Variants in KCNAB1 observed in about 807,000 individuals in gnomAD.
KCNAB1 encodes potassium voltage-gated channel subfamily A regulatory beta subunit 1.
A neutral mutation model predicts 64.6 loss-of-function variants in KCNAB1; 35 were observed. The ratio of observed to expected loss-of-function variants is 0.54; its 90% CI spans 0.41 to 0.72. KCNAB1 has a LOEUF of 0.72. KCNAB1 is among the 30% of genes least tolerant of loss of function. The pLI is 0.00. For synonymous variants in KCNAB1, 177 were observed against 183.8 expected (o/e 0.96, Z 0.30); for missense variants, 401 against 512.9 (o/e 0.78, Z 2.11).
chr3:156,160,306 C>T (rs528166898), intron 1 of KCNAB1, among the ~76,000 whole-genome samples: 11 of 152,312 alleles, frequency 7.2e-5, no homozygotes, highest in Admixed American at 1.3e-4. Flanking sequence ...TGAACATTGA[C>T]TTGTTTGCAT....
intron 1 of KCNAB1, among the ~76,000 whole-genome samples, chr3:156,264,130 G>A (rs969753030): frequency 1.1e-4 from 16 of 152,140 alleles, no homozygotes; most frequent in African/African-American, 3.4e-4. Context: ...TTTTACTAAT[G>A]TACTGGCAGT....
intron 1 of KCNAB1, among the ~76,000 whole-genome samples, chr3:156,168,665 A>G (rs1317697916): frequency 6.6e-6 from 1 of 152,218 alleles, no homozygotes; most frequent in African/African-American, 2.4e-5. Flanking sequence ...TTTGAAGTAT[A>G]TTTGCTTTTT....
chr3:156,147,964 CGCACACGCACACACAA>C (rs1715148374), intron 1 of KCNAB1, among the ~76,000 whole-genome samples: 1 of 151,286 alleles, frequency 6.6e-6, no homozygotes, highest in South Asian at 2.1e-4. Flanking sequence ...CACACACGCA[CGCACACGCACACACAA>C]ACACACACCG....
intron 1 of KCNAB1, among the ~76,000 whole-genome samples, chr3:156,283,679 T>G (rs1418507572): frequency 2.0e-5 from 3 of 151,986 alleles, no homozygotes; most frequent in African/African-American, 7.2e-5. Context: ...TTATTCTTTT[T>G]TCTCTAGACT....
At chr3:156,206,776 C>T (rs1217373170) in intron 1 of KCNAB1, among the ~76,000 whole-genome samples, 4 of 152,148 alleles carry the variant, frequency 2.6e-5, no homozygotes. Flanking sequence ...TAAGTATTTT[C>T]TGCTTGGCTA....
chr3:156,517,706 G>A (rs991781110), intron 11 of KCNAB1, among the ~76,000 whole-genome samples: 4 of 152,220 alleles, frequency 2.6e-5, no homozygotes, highest in African/African-American at 7.2e-5. Context: ...GGATACAGGT[G>A]ACTTTTAGTC....
rs1411341366 is a variant in KCNAB1, at chr3:156,438,982, C to A, written c.320-13917C>A. On this transcript the variant is annotated intron_variant, in intron 2 of 13. Coordinates refer to ENST00000490337, the MANE Select transcript of KCNAB1 (RefSeq NM_172160.3). ...TGAGCCGAGGTTGTGCCATTGCACT[C>A]CAGTCTGGGTGACAGAGCAAGACTC... 4.6e-5 allele frequency among the ~76,000 whole-genome samples: 7 copies of A among 151,546 alleles called. No individual in the cohort carries two copies. In the East Asian group the frequency reaches 1.2e-3, roughly 25 times the overall value.
intron 2 of KCNAB1, among the ~76,000 whole-genome samples, chr3:156,432,059 A>G (rs1223720354): frequency 6.6e-6 from 1 of 152,122 alleles, no homozygotes; most frequent in African/African-American, 2.4e-5. Flanking sequence ...AAATTAAAGA[A>G]CTCTTAGCTA....
intron 1 of KCNAB1, chr3:156,292,047 C>T: frequency 1.9e-6 from 3 of 1,614,104 alleles, no homozygotes; most frequent in Non-Finnish European, 2.5e-6. Context: ...GCTATCATCG[C>T]GCGCAGCCTG....
At chr3:156,158,876 G>T (rs1715912088) in intron 1 of KCNAB1, among the ~76,000 whole-genome samples, 1 of 152,200 alleles carries the variant, frequency 6.6e-6, no homozygotes, top group South Asian at 2.1e-4. Context: ...TCTGGCTTAT[G>T]ATTCTTTAGT....
intron 2 of KCNAB1, among the ~76,000 whole-genome samples, chr3:156,430,705 C>G (rs984715983): frequency 6.6e-6 from 1 of 152,160 alleles, no homozygotes; most frequent in African/African-American, 2.4e-5. Flanking sequence ...TCCCTTATGG[C>G]CCATCTACTT....
intron 1 of KCNAB1, among the ~76,000 whole-genome samples, chr3:156,278,997 G>A (rs1719525817): frequency 6.6e-6 from 1 of 150,382 alleles, no homozygotes; most frequent in Non-Finnish European, 1.5e-5. Context: ...TTAAGTTTTA[G>A]GGTACATGTG....
At chr3:156,294,689 G>A (rs1253423951) in intron 1 of KCNAB1, among the ~76,000 whole-genome samples, 6 of 152,194 alleles carry the variant, frequency 3.9e-5, no homozygotes, top group South Asian at 2.1e-4. Flanking sequence ...TCTGGAGAAT[G>A]CCTGAAATAA....
At chr3:156,480,067 C>T (rs1233568500) in intron 8 of KCNAB1, among the ~76,000 whole-genome samples, 2 of 152,092 alleles carry the variant, frequency 1.3e-5, no homozygotes, top group African/African-American at 4.8e-5. Context: ...TTCCAAAATA[C>T]TGGACCTAGA....
chr3:156,238,223 G>A (rs1716958253), intron 1 of KCNAB1, among the ~76,000 whole-genome samples: 2 of 151,976 alleles, frequency 1.3e-5, no homozygotes, highest in South Asian at 2.1e-4. Context: ...GAGATCGAGA[G>A]CATCCTGGCA....
At chr3:156,355,829 C>T (rs1227649436) in intron 1 of KCNAB1, among the ~76,000 whole-genome samples, 1 of 151,942 alleles carries the variant, frequency 6.6e-6, no homozygotes, top group Non-Finnish European at 1.5e-5. Flanking sequence ...GAAAATGTGA[C>T]CCGAGGGCTG....
chr3:156,287,700 C>G (rs1242527071), intron 1 of KCNAB1, among the ~76,000 whole-genome samples: 7 of 151,764 alleles, frequency 4.6e-5, no homozygotes, highest in Admixed American at 3.9e-4. Context: ...ACCTGTAATC[C>G]CAGCAACTCA....
intron 1 of KCNAB1, among the ~76,000 whole-genome samples, chr3:156,128,633 C>T (rs983797121): frequency 1.3e-5 from 2 of 152,260 alleles, no homozygotes; most frequent in East Asian, 1.9e-4. Flanking sequence ...CTCATAAAGG[C>T]GATGTGCCTG....
intron 1 of KCNAB1, among the ~76,000 whole-genome samples, chr3:156,255,947 T>C (rs887111804): frequency 6.6e-6 from 1 of 152,212 alleles, no homozygotes; most frequent in Non-Finnish European, 1.5e-5. Context: ...TATTTTGAAA[T>C]GTTTCTTCTG....
Sources: allele counts gnomAD v4.1 joint callset (sites outside exome capture counted in the v4.1 genomes callset), GRCh38; gene constraint gnomAD v4.1.1; transcripts MANE v1.5; gene names NCBI Gene and HGNC (gene_info 2026-07-23, HGNC 2026-07-21).